The following NHS variants were observed in gnomAD, a reference collection of about 807,000 sequenced individuals.
The protein encoded by NHS is NHS actin remodeling regulator.
In NHS, 5 loss-of-function variants were observed where a neutral mutation model predicts 72.5. The observed-to-expected ratio is 0.07, with a 90% CI of 0.04 to 0.14. The LOEUF is 0.14. Among genes scored for constraint, NHS ranks in the 10% least tolerant of loss-of-function variants. The pLI is 1.00. For missense variants in NHS, 1,072 were observed against 1,355.7 expected (o/e 0.79, Z 3.29); for synonymous variants, 464 against 547.7 (o/e 0.85, Z 2.13).
chrX:17,572,008 C>T (rs370268843), intron 1 of NHS, among the ~76,000 whole-genome samples: 1 of 111,874 alleles, frequency 8.9e-6, no homozygotes, highest in African/African-American at 3.3e-5. Context: ...AGTTCTAGTT[C>T]GATTGCACTG....
chrX:17,559,716 G>A (rs2065402560), intron 1 of NHS, among the ~76,000 whole-genome samples: 3 of 111,625 alleles, frequency 2.7e-5, no homozygotes, highest in Middle Eastern at 4.7e-3. Flanking sequence ...GTCCAGACAT[G>A]CAAGGGAATT....
Position 17,475,267 on chromosome X carries a change from A to G in NHS, c.565+98945A>G, listed in dbSNP as rs2064911480. Among the ~76,000 whole-genome samples the G allele has an allele frequency of 3.5e-5, 4 of 112,688 alleles. No individual in the cohort carries two copies. The Admixed American group carries it at 3.8e-4, about 11-fold the overall frequency. On this transcript the variant is annotated intron_variant, in intron 1 of 8. Coordinates refer to ENST00000676302, the MANE Select transcript of NHS (RefSeq NM_001291867.2). ...TGGTCCCAGAGCAGACACGCTGCCCAGATCAATTTAGAAAGAAGTCAAGAC... is the reference window on the plus strand; with the variant it reads ...TGGTCCCAGAGCAGACACGCTGCCCGGATCAATTTAGAAAGAAGTCAAGAC...
intron 1 of NHS, among the ~76,000 whole-genome samples, chrX:17,541,829 T>C (rs2065265595): frequency 1.5e-5 from 1 of 66,221 alleles, no homozygotes; most frequent in South Asian, 6.9e-4. Flanking sequence ...AGCCAAAGAC[T>C]GATGGGTACA....
intron 1 of NHS, among the ~76,000 whole-genome samples, chrX:17,604,941 T>C (rs1334150426): frequency 8.9e-6 from 1 of 112,034 alleles, no homozygotes; most frequent in Non-Finnish European, 1.9e-5. Flanking sequence ...CAATAAAACA[T>C]TCAAGGGCAA....
At chrX:17,644,804 C>A (rs1349054830) in intron 1 of NHS, among the ~76,000 whole-genome samples, 1 of 110,834 alleles carries the variant, frequency 9.0e-6, no homozygotes, top group Admixed American at 9.6e-5. Context: ...TTGAGTAAAG[C>A]TAGTGGTCCA....
intron 1 of NHS, among the ~76,000 whole-genome samples, chrX:17,615,632 A>G (rs776100315): frequency 2.1e-3 from 235 of 110,184 alleles, no homozygotes; most frequent in African/African-American, 7.2e-3. Context: ...ACTAGTCTCA[A>G]CTGATTCACT....
At position 17,726,086 on chromosome X, in the gene NHS, T is replaced by G; in HGVS notation, c.1980T>G (p.Ser660=). 1 of 1,212,073 alleles carries G rather than the reference T, an allele frequency of 8.3e-7. No individual in the cohort carries two copies. The highest frequency in any genetic ancestry group is 1.7e-5 in the African/African-American group (1 of 57,845). ...PPAASPPLTG[S]SHCDSELSLN... ...CAGCTTCTCCTCCACTCACTGGCTC[T>G]TCACACTGTGACTCGGAGTTGTCAC... Residue 660 remains serine (S), a synonymous_variant, in exon 7 of 9, where the codon TCT becomes TCG. Coordinates refer to ENST00000676302, the MANE Select transcript of NHS (RefSeq NM_001291867.2).
chrX:17,551,783 T>C (rs1469415074), intron 1 of NHS, among the ~76,000 whole-genome samples: 1 of 111,304 alleles, frequency 9.0e-6, no homozygotes. Context: ...CCTGCACCCT[T>C]TCACAGATGT....
At chrX:17,438,835 G>A (rs968601787) in intron 1 of NHS, among the ~76,000 whole-genome samples, 3 of 110,963 alleles carry the variant, frequency 2.7e-5, no homozygotes, top group Non-Finnish European at 3.8e-5. Flanking sequence ...TTGGTTGGGA[G>A]GGGAGAGTGT....
intron 1 of NHS, among the ~76,000 whole-genome samples, chrX:17,524,409 C>CCAA (rs2065163674): frequency 9.0e-6 from 1 of 111,730 alleles, no homozygotes. Flanking sequence ...AACCTGTGTC[C>CCAA]CAATAATGCC....
intron 1 of NHS, among the ~76,000 whole-genome samples, chrX:17,663,477 A>G (rs1172791843): frequency 8.9e-6 from 1 of 112,368 alleles, no homozygotes; most frequent in Non-Finnish European, 1.9e-5. Flanking sequence ...AAATTGAATC[A>G]TAAGTATGAC....
chrX:17,526,881 G>A (rs2065175972), intron 1 of NHS, among the ~76,000 whole-genome samples: 1 of 112,683 alleles, frequency 8.9e-6, no homozygotes, highest in Admixed American at 9.3e-5. Flanking sequence ...GAATGCATAT[G>A]TCACTTGAGG....
Position 17,375,630 on chromosome X carries a change from C to T in NHS, c.-128C>T. On this transcript the variant is annotated 5_prime_UTR_variant, in exon 1 of 9. Coordinates refer to ENST00000676302, the MANE Select transcript of NHS (RefSeq NM_001291867.2). ...GCAAGGTGAGCAGAGAAGCCCCCTGCGTATCCGGACTGCCAGATCGCGCTT... is the reference window on the plus strand; with the variant it reads ...GCAAGGTGAGCAGAGAAGCCCCCTGTGTATCCGGACTGCCAGATCGCGCTT... The T allele has an allele frequency of 6.3e-6, 4 of 638,480 alleles. No homozygotes were observed. The highest frequency in any genetic ancestry group is 5.6e-5 in the Admixed American group (2 of 35,424). The allele number at this position is 638,480 out of a possible 1,213,427, so 52.6% of individuals were successfully genotyped here.
intron 1 of NHS, among the ~76,000 whole-genome samples, chrX:17,516,523 C>A (rs2065120667): frequency 9.2e-6 from 1 of 109,287 alleles, no homozygotes; most frequent in Non-Finnish European, 1.9e-5. Context: ...CCTCCTCTGC[C>A]AATAAATATT....
chrX:17,674,127 G>A (rs2066065703), intron 1 of NHS, among the ~76,000 whole-genome samples: 1 of 111,835 alleles, frequency 8.9e-6, no homozygotes, highest in Admixed American at 9.4e-5. Flanking sequence ...GATTAGCTGG[G>A]GCCTCCAGTA....
intron 1 of NHS, among the ~76,000 whole-genome samples, chrX:17,615,469 C>T (rs1292818582): frequency 2.9e-5 from 3 of 104,972 alleles, no homozygotes; most frequent in Non-Finnish European, 5.8e-5. Flanking sequence ...CCAGGCTGGT[C>T]TCCAACTCCT....
At chrX:17,686,725 A>T (rs1354418195) in intron 1 of NHS, 2 of 111,752 alleles carry the variant, frequency 1.8e-5, no homozygotes, top group Non-Finnish European at 3.8e-5. Flanking sequence ...ACTGAACCAG[A>T]GTGGAAAGAG....
chrX:17,412,864 A>G (rs1427588830), intron 1 of NHS, among the ~76,000 whole-genome samples: 1 of 112,374 alleles, frequency 8.9e-6, no homozygotes, highest in African/African-American at 3.2e-5. Flanking sequence ...AGCATTGCAG[A>G]TCATGAAGTC....
At chrX:17,402,485 T>A (rs1216099842) in intron 1 of NHS, among the ~76,000 whole-genome samples, 1 of 112,220 alleles carries the variant, frequency 8.9e-6, no homozygotes, top group African/African-American at 3.2e-5. Context: ...AAAAGGTGAC[T>A]AAAGGCAATA....
Sources: allele counts gnomAD v4.1 joint callset (sites outside exome capture counted in the v4.1 genomes callset), GRCh38; gene constraint gnomAD v4.1.1; transcripts MANE v1.5; gene names NCBI Gene and HGNC (gene_info 2026-07-23, HGNC 2026-07-21).